ADGRL2: variants seen among roughly 807,000 people sequenced by gnomAD.
ADGRL2 encodes calcium-independent alpha-latrotoxin receptor 2.
Under a neutral mutation model 157.4 loss-of-function variants are expected in ADGRL2, and 44 were observed. That is an observed-to-expected ratio of 0.28 (90% CI 0.22 to 0.36). The LOEUF is 0.36. Ranked by LOEUF, ADGRL2 falls within the 10% of genes least tolerant of loss-of-function variation. The pLI is 1.00. For synonymous variants in ADGRL2, 585 were observed against 624.7 expected (o/e 0.94, Z 0.95); for missense variants, 1,510 against 1,768.9 (o/e 0.85, Z 2.63).
chr1:81,328,963 CA>C (rs34963278), intron 1 of ADGRL2, among the ~76,000 whole-genome samples: 3,594 of 141,832 alleles, frequency 0.025, 92 homozygotes, highest in African/African-American at 0.073. Context: ...ACATGATCTA[CA>C]AAAAAAAAAA....
chr1:81,641,399 C>T (rs374023731), intron 3 of ADGRL2, among the ~76,000 whole-genome samples: 1 of 152,180 alleles, frequency 6.6e-6, no homozygotes, highest in Non-Finnish European at 1.5e-5. Flanking sequence ...TTGGAATATT[C>T]ACCAACAGAG....
intron 2 of ADGRL2, among the ~76,000 whole-genome samples, chr1:81,837,988 TA>T (rs2092368088): frequency 6.6e-6 from 1 of 151,980 alleles, no homozygotes; most frequent in African/African-American, 2.4e-5. Context: ...TAATGGATTT[TA>T]AAAAATTCCA....
intron 6 of ADGRL2, 97 bp from the exon 7 acceptor site, chr1:81,950,092 T>TTG (rs150847309): frequency 2.4e-4 from 226 of 930,648 alleles, no homozygotes; most frequent in Non-Finnish European, 3.3e-4. Flanking sequence ...GGGTAGGGTT[T>TTG]TGTGTGTGTG....
intron 1 of ADGRL2, among the ~76,000 whole-genome samples, chr1:81,390,391 C>T (rs1226058771): frequency 6.6e-6 from 1 of 152,300 alleles, no homozygotes; most frequent in Non-Finnish European, 1.5e-5. Flanking sequence ...CACAAAAAGG[C>T]ACGAACCAAA....
chr1:81,527,457 A>C (rs896244923), intron 2 of ADGRL2, among the ~76,000 whole-genome samples: 2 of 152,194 alleles, frequency 1.3e-5, no homozygotes, highest in African/African-American at 4.8e-5. Context: ...CAGGCCTGTA[A>C]TCTCAGCACT....
intron 2 of ADGRL2, among the ~76,000 whole-genome samples, chr1:81,793,074 G>C (rs1571242618): frequency 6.6e-6 from 1 of 151,854 alleles, no homozygotes; most frequent in African/African-American, 2.4e-5. Flanking sequence ...TTACGACCCT[G>C]GGAAAAATTT....
chr1:81,856,140 G>C (rs1186013138), intron 2 of ADGRL2, among the ~76,000 whole-genome samples: 1 of 152,008 alleles, frequency 6.6e-6, no homozygotes, highest in East Asian at 1.9e-4. Context: ...GGTGCTTCTG[G>C]GACTCTGGTT....
chr1:81,820,420 C>T (rs7410941), intron 1 of ADGRL2, among the ~76,000 whole-genome samples: 16 of 152,186 alleles, frequency 1.1e-4, no homozygotes, highest in Admixed American at 3.3e-4. Context: ...AATAAAGCTT[C>T]ATACATGGAA....
At chr1:81,576,534 T>C (rs551799800) in intron 2 of ADGRL2, among the ~76,000 whole-genome samples, 1 of 152,214 alleles carries the variant, frequency 6.6e-6, no homozygotes, top group African/African-American at 2.4e-5. Flanking sequence ...TCAGAAGACA[T>C]GCATGTAGTA....
intron 2 of ADGRL2, among the ~76,000 whole-genome samples, chr1:81,763,191 T>G (rs1386692919): frequency 6.6e-6 from 1 of 152,136 alleles, no homozygotes; most frequent in African/African-American, 2.4e-5. Flanking sequence ...AAACATTATT[T>G]GAATAATAAG....
intron 2 of ADGRL2, among the ~76,000 whole-genome samples, chr1:81,491,252 A>G (rs1343247986): frequency 6.6e-6 from 1 of 152,200 alleles, no homozygotes; most frequent in Non-Finnish European, 1.5e-5. Flanking sequence ...AAACAAGCTA[A>G]ATTATGTGAT....
chr1:81,386,496 C>A (rs76831729), intron 1 of ADGRL2, among the ~76,000 whole-genome samples: 5,311 of 152,216 alleles, frequency 0.035, 118 homozygotes, highest in Middle Eastern at 0.092. Flanking sequence ...TATACTGTTA[C>A]TCACAGTGAT....
intron 3 of ADGRL2, among the ~76,000 whole-genome samples, chr1:81,619,329 C>T (rs946292833): frequency 6.6e-6 from 1 of 151,732 alleles, no homozygotes. Context: ...GCCTTTAGTA[C>T]CTCATTGCCC....
chr1:81,942,114 C>G, intron 5 of ADGRL2, 69 bp downstream of exon 5: 1 of 651,974 alleles, frequency 1.5e-6, no homozygotes, highest in Non-Finnish European at 2.8e-6. Context: ...TCCTCCCTCC[C>G]CTCTCCCCAC....
chr1:81,666,557 G>A (rs776356147), intron 3 of ADGRL2, among the ~76,000 whole-genome samples: 10 of 152,106 alleles, frequency 6.6e-5, no homozygotes, highest in Non-Finnish European at 1.2e-4. Flanking sequence ...TGTACTGACT[G>A]ACCCTGCTAG....
intron 2 of ADGRL2, among the ~76,000 whole-genome samples, chr1:81,792,652 A>G (rs958142397): frequency 6.6e-6 from 1 of 152,112 alleles, no homozygotes. Flanking sequence ...TAATGAATTA[A>G]TACTTTCTCA....
chr1:81,701,066 G>GT (rs2083561628), intron 1 of ADGRL2, among the ~76,000 whole-genome samples: 1 of 152,220 alleles, frequency 6.6e-6, no homozygotes, highest in Non-Finnish European at 1.5e-5. Context: ...GGCACACACG[G>GT]TGCCTGCAGG....
At chr1:81,504,541 G>A (rs2078927234) in intron 2 of ADGRL2, among the ~76,000 whole-genome samples, 1 of 151,900 alleles carries the variant, frequency 6.6e-6, no homozygotes, top group Admixed American at 6.6e-5. Context: ...AATGAAAACA[G>A]ATCACCCCCA....
chr1:81,338,501 T>C (rs1422439211), intron 1 of ADGRL2, among the ~76,000 whole-genome samples: 3 of 152,180 alleles, frequency 2.0e-5, no homozygotes. Flanking sequence ...GATTACATGG[T>C]GTCTAACTTT....
Sources: allele counts gnomAD v4.1 joint callset (sites outside exome capture counted in the v4.1 genomes callset), GRCh38; gene constraint gnomAD v4.1.1; transcripts MANE v1.5; gene names NCBI Gene and HGNC (gene_info 2026-07-23, HGNC 2026-07-21).